Variants in CEP20 observed in about 807,000 individuals in gnomAD.
CEP20 encodes centrosomal protein 20.
Under a neutral mutation model 20.0 loss-of-function variants are expected in CEP20, and 18 were observed. The observed-to-expected ratio is 0.90, with a 90% CI of 0.62 to 1.34. CEP20 has a LOEUF of 1.34. CEP20 is among the 40% of genes most tolerant of loss of function. The pLI, the probability that CEP20 is intolerant of heterozygous loss-of-function variation, is 0.00. For synonymous variants in CEP20, 77 were observed against 73.7 expected, an observed-to-expected ratio of 1.04 and a Z score of -0.23; for missense variants, 215 against 201.6, an observed-to-expected ratio of 1.07 and a Z score of -0.40.
At chr16:15,871,468 A>G (rs1464860814) in intron 4 of CEP20, among the ~76,000 whole-genome samples, 2 of 152,126 alleles carry the variant, frequency 1.3e-5, no homozygotes, top group Non-Finnish European at 2.9e-5. Flanking sequence ...TACTTGCACT[A>G]TTAATGTTTT....
At chr16:15,887,848 C>A (rs1218959767) in intron 1 of CEP20, among the ~76,000 whole-genome samples, 2 of 151,998 alleles carry the variant, frequency 1.3e-5, no homozygotes, top group Non-Finnish European at 2.9e-5. Context: ...AATCCCAGCA[C>A]TTTGAGGGGG....
intron 2 of CEP20, among the ~76,000 whole-genome samples, chr16:15,881,199 T>C (rs1252700206): frequency 1.3e-5 from 2 of 152,174 alleles, no homozygotes; most frequent in Admixed American, 1.3e-4. Context: ...TACAGAACTG[T>C]ACAGTTTAAA....
At chr16:15,877,405 CT>C (rs1201055807) in intron 3 of CEP20, 1 of 152,230 alleles carries the variant, frequency 6.6e-6, no homozygotes, top group Non-Finnish European at 1.5e-5. Flanking sequence ...ACTGCTCATC[CT>C]AAGTCACGCT....
At chr16:15,873,089 T>A (rs1057436975) in intron 4 of CEP20, among the ~76,000 whole-genome samples, 6 of 151,142 alleles carry the variant, frequency 4.0e-5, no homozygotes, top group Admixed American at 1.3e-4. Flanking sequence ...TTGTTTTTTT[T>A]TAAATTTAAT....
Position 15,871,442 on chromosome 16 carries a change from T to C in CEP20, c.448+2049A>G, listed in dbSNP as rs535129028. Among the ~76,000 whole-genome samples, 6 of 152,258 alleles carry C rather than the reference T, an allele frequency of 3.9e-5. No homozygotes were observed. The East Asian group carries it at 1.2e-3, about 29-fold the overall frequency. The stretch of plus-strand genomic sequence containing the variant: ...GGAACTTTTTACTATTTAAAAAATT[T>C]AGAGATTTACTCATGTACTTGCACT... On this transcript the variant is annotated intron_variant, in intron 4 of 4. Transcript: ENST00000255759.
intron 1 of CEP20, among the ~76,000 whole-genome samples, chr16:15,888,159 T>C (rs2045291462): frequency 6.6e-6 from 1 of 151,450 alleles, no homozygotes; most frequent in Non-Finnish European, 1.5e-5. Context: ...AGCAAATTGT[T>C]TAGGGCAGTG....
At chr16:15,882,384 A>G (rs574770490) in intron 2 of CEP20, among the ~76,000 whole-genome samples, 1 of 132,096 alleles carries the variant, frequency 7.6e-6, no homozygotes, top group East Asian at 3.2e-4. Context: ...CTAAAAATAC[A>G]AAAAATTAGC....
chr16:15,882,217 G>C (rs1290718699), intron 2 of CEP20, among the ~76,000 whole-genome samples: 1 of 152,212 alleles, frequency 6.6e-6, no homozygotes, highest in Non-Finnish European at 1.5e-5. Flanking sequence ...TGCCATGCTT[G>C]TACAGTCTGC....
chr16:15,872,169 C>G (rs2044836842), intron 4 of CEP20, among the ~76,000 whole-genome samples: 1 of 152,042 alleles, frequency 6.6e-6, no homozygotes. Context: ...AAAAAATTAG[C>G]CGAGTGTGGT....
intron 2 of CEP20, among the ~76,000 whole-genome samples, chr16:15,882,746 T>TCTAC (rs969204777): frequency 5.4e-4 from 74 of 138,100 alleles, no homozygotes; most frequent in African/African-American, 1.7e-3. Flanking sequence ...TATCTATCTA[T>TCTAC]CTATCTATCT....
intron 4 of CEP20, among the ~76,000 whole-genome samples, chr16:15,870,482 C>T (rs1002304920): frequency 2.0e-5 from 3 of 152,132 alleles, no homozygotes; most frequent in African/African-American, 7.2e-5. Context: ...TAGGCATCCA[C>T]ACAAGAGAAA....
At position 15,883,989 on chromosome 16, in the gene CEP20, A is replaced by AT. The variant is rs746305382; in HGVS notation, c.226+18dup. The AT allele has an allele frequency of 1.4e-5, 22 of 1,586,938 alleles. No homozygotes were observed. The highest frequency in any genetic ancestry group is 2.2e-5 in the East Asian group (1 of 44,598). On this transcript the variant is annotated intron_variant, in intron 2 of 4. Coordinates refer to ENST00000255759, the MANE Select transcript of CEP20 (RefSeq NM_144600.4). ...AAAGGGGAGAAACAGATTTTATGTG[A>AT]TAAATAATAACCACTTACCTGCTAT...
rs1053201674 is a variant in CEP20, at chr16:15,873,421, C to T, written c.448+70G>A. 3.2e-6 allele frequency: 5 copies of T among 1,549,512 alleles called. No individual in the cohort carries two copies. In the African/African-American group the frequency reaches 6.9e-5, roughly 21 times the overall value. ...TGACTCAAAAGCTCAGTAAAGACTC[C>T]AAAAGAAAAATATATAGGAAGAAAA... On this transcript the variant is annotated intron_variant, in intron 4 of 4. Coordinates refer to ENST00000255759, the MANE Select transcript of CEP20 (RefSeq NM_144600.4).
intron 1 of CEP20, among the ~76,000 whole-genome samples, chr16:15,885,356 T>A (rs2151433116): frequency 6.6e-6 from 1 of 152,108 alleles, no homozygotes; most frequent in Admixed American, 6.5e-5. Flanking sequence ...AAACCTTTGA[T>A]AATCCACAAC....
At chr16:15,885,953 T>A (rs1028239870) in intron 1 of CEP20, 2 of 152,208 alleles carry the variant, frequency 1.3e-5, no homozygotes, top group African/African-American at 4.8e-5. Context: ...CTTGTAGTGA[T>A]CTGCAACTTT....
At position 15,879,863 on chromosome 16, in the gene CEP20, C is replaced by A; in HGVS notation, c.252G>T (p.Leu84Phe). The change falls in exon 3 of 5, where the codon TTG (leucine) becomes TTT (phenylalanine). Residue 84 changes from leucine (L) to phenylalanine (F), a missense_variant. Transcript: ENST00000255759. ...GTTCATGGATGAGAAACTGTCTGTCCAACGGAACTACAGGTTGACCAGATT... is the reference window on the plus strand; with the variant it reads ...GTTCATGGATGAGAAACTGTCTGTCAAACGGAACTACAGGTTGACCAGATT... ...IAESGQPVVPLDRQFLIHELN... is the reference protein window; with the variant it reads ...IAESGQPVVPFDRQFLIHELN... 6.4e-7 allele frequency: 1 copy of A among 1,568,064 alleles called. No homozygotes were observed. Among genetic ancestry groups the A allele is most frequent in the Non-Finnish European group, 8.6e-7 (1 of 1,165,214 alleles).
At chr16:15,883,889 T>G (rs568139365) in intron 2 of CEP20, 119 bp downstream of exon 2, 1 of 746,354 alleles carries the variant, frequency 1.3e-6, no homozygotes, top group South Asian at 2.0e-5. Flanking sequence ...GTGATTTTTG[T>G]GTCCCAGTCA....
At chr16:15,873,378 A>G in intron 4 of CEP20, 113 bp downstream of exon 4, 1 of 1,263,166 alleles carries the variant, frequency 7.9e-7, no homozygotes, top group African/African-American at 1.5e-5. Flanking sequence ...CATATTAGAT[A>G]TAAGCAGAAT....
intron 4 of CEP20, among the ~76,000 whole-genome samples, chr16:15,868,292 G>C (rs573874313): frequency 6.7e-4 from 101 of 151,666 alleles, no homozygotes; most frequent in African/African-American, 2.3e-3. Context: ...GCGTGGTGGC[G>C]GGCACCTACA....
Sources: allele counts gnomAD v4.1 joint callset (sites outside exome capture counted in the v4.1 genomes callset), GRCh38; gene constraint gnomAD v4.1.1; transcripts MANE v1.5; gene names NCBI Gene and HGNC (gene_info 2026-07-23, HGNC 2026-07-21).